The following RABGAP1L variants were observed in gnomAD, a reference collection of about 807,000 sequenced individuals.
RABGAP1L encodes the protein RAB GTPase activating protein 1 like.
In RABGAP1L, 63 loss-of-function variants were observed where a neutral mutation model predicts 137.7. That is an observed-to-expected ratio of 0.46 (90% confidence interval 0.37 to 0.56). The LOEUF (loss-of-function observed/expected upper bound fraction) is 0.56, where lower values mean the gene tolerates loss of function less well. Among genes scored for constraint, RABGAP1L ranks in the 20% least tolerant of loss-of-function variants. The probability of loss-of-function intolerance (pLI) is 0.00; values close to 1 mark genes in which losing one functional copy is unlikely to be tolerated. For synonymous variants in RABGAP1L, 431 were observed against 433.7 expected, an observed-to-expected ratio of 0.99 and a Z score of 0.08; for missense variants, 1,095 against 1,244.0, an observed-to-expected ratio of 0.88 and a Z score of 1.80.
At chr1:174,213,937 A>G (rs1291588949) in intron 1 of RABGAP1L, among the ~76,000 whole-genome samples, 2 of 152,248 alleles carry the variant, frequency 1.3e-5, no homozygotes, top group Admixed American at 1.3e-4. Flanking sequence ...TAACACAATA[A>G]GGATGCATAC....
intron 11 of RABGAP1L, among the ~76,000 whole-genome samples, chr1:174,314,489 G>GT (rs1460424566): frequency 6.6e-6 from 1 of 151,918 alleles, no homozygotes; most frequent in Non-Finnish European, 1.5e-5. Flanking sequence ...ATTTTTTAAA[G>GT]TTTCAATTTA....
intron 13 of RABGAP1L, among the ~76,000 whole-genome samples, chr1:174,519,517 C>T (rs1218109459): frequency 6.6e-6 from 1 of 152,076 alleles, no homozygotes. Flanking sequence ...CTTCCCCAGC[C>T]CACTGACTCC....
intron 1 of RABGAP1L, among the ~76,000 whole-genome samples, chr1:174,194,273 C>T (rs570847177): frequency 4.8e-4 from 70 of 145,974 alleles, no homozygotes; most frequent in African/African-American, 1.7e-3. Context: ...CTTGCCCTGT[C>T]GCCCAGGCTG....
intron 19 of RABGAP1L, among the ~76,000 whole-genome samples, chr1:174,949,377 G>T (rs764646201): frequency 1.5e-4 from 23 of 152,194 alleles, no homozygotes; most frequent in Non-Finnish European, 2.9e-4. Context: ...ATTATGCCTT[G>T]AATTGGGCAT....
intron 2 of RABGAP1L, among the ~76,000 whole-genome samples, chr1:174,220,040 AATTTT>A (rs1571610588): frequency 1.3e-5 from 2 of 152,176 alleles, no homozygotes; most frequent in African/African-American, 4.8e-5. Flanking sequence ...ATTGTTTTAT[AATTTT>A]ATTTAAATAA....
rs1010726675 is a variant in RABGAP1L, at chr1:174,522,430, A to G, written c.1711-114945A>G. Among the ~76,000 whole-genome samples the G allele has an allele frequency of 7.9e-5, 12 of 151,628 alleles. No homozygotes were observed. The South Asian group carries it at 1.3e-3, about 16-fold the overall frequency. ...CATCTCTACAAAAACTTAGCTGGGCATGGTGGCATGTGCCTGTAGTCCCAG... is the reference window on the plus strand; with the variant it reads ...CATCTCTACAAAAACTTAGCTGGGCGTGGTGGCATGTGCCTGTAGTCCCAG... On this transcript the variant is annotated intron_variant, in intron 13 of 25. Transcript: ENST00000681986.
intron 19 of RABGAP1L, among the ~76,000 whole-genome samples, chr1:174,902,151 G>A (rs1558211236): frequency 6.6e-6 from 1 of 152,230 alleles, no homozygotes. Context: ...TTGTCACCCA[G>A]TCAGGAGGAA....
At chr1:174,678,352 A>G (rs116777027) in intron 14 of RABGAP1L, among the ~76,000 whole-genome samples, 122 of 152,280 alleles carry the variant, frequency 8.0e-4, no homozygotes, top group African/African-American at 2.8e-3. Flanking sequence ...GAGAACACTG[A>G]CACACTTGTT....
intron 1 of RABGAP1L, among the ~76,000 whole-genome samples, chr1:174,170,346 A>C (rs766834750): frequency 5.9e-5 from 9 of 152,252 alleles, no homozygotes; most frequent in Non-Finnish European, 7.4e-5. Context: ...TCCAGTTTGC[A>C]GGTGAGGAAG....
At chr1:174,397,241 T>C (rs953985156) in intron 13 of RABGAP1L, among the ~76,000 whole-genome samples, 1 of 152,224 alleles carries the variant, frequency 6.6e-6, no homozygotes. Context: ...TTAGATTTCT[T>C]CCCTCTGGAG....
At chr1:174,627,549 C>T (rs1292814977) in intron 13 of RABGAP1L, among the ~76,000 whole-genome samples, 1 of 152,194 alleles carries the variant, frequency 6.6e-6, no homozygotes, top group Non-Finnish European at 1.5e-5. Context: ...AAGCAAGCTG[C>T]TTATATCTCA....
intron 14 of RABGAP1L, among the ~76,000 whole-genome samples, chr1:174,670,623 A>G (rs1677105201): frequency 6.6e-6 from 1 of 152,100 alleles, no homozygotes; most frequent in South Asian, 2.1e-4. Context: ...TGATTTTTAG[A>G]TATCACAAAT....
chr1:174,813,672 C>G (rs570477399), intron 19 of RABGAP1L, among the ~76,000 whole-genome samples: 1 of 152,272 alleles, frequency 6.6e-6, no homozygotes, highest in South Asian at 2.1e-4. Context: ...AGTTTTCATT[C>G]TGAAATGCAA....
At chr1:174,548,051 G>C in intron 13 of RABGAP1L, 1 of 1,550,422 alleles carries the variant, frequency 6.4e-7, no homozygotes, top group Non-Finnish European at 8.7e-7. Context: ...CTTAATGCCT[G>C]TTAAATGCGT....
At chr1:174,573,209 G>GAC (rs2148056657) in intron 13 of RABGAP1L, among the ~76,000 whole-genome samples, 1 of 146,526 alleles carries the variant, frequency 6.8e-6, no homozygotes, top group Admixed American at 6.8e-5. Context: ...ATATATGTGT[G>GAC]ACATATATAC....
Position 174,550,983 on chromosome 1 carries a change from C to CATATATATACATAT in RABGAP1L, c.1711-86383_1711-86382insCATATATATATATA, listed in dbSNP as rs1553330240. Among the ~76,000 whole-genome samples, 549 of 83,414 alleles carry CATATATATACATAT rather than the reference C, an allele frequency of 6.6e-3. 39 individuals are homozygous for CATATATATACATAT. The highest frequency in any genetic ancestry group is 0.045 in the African/African-American group (461 of 10,180). The allele number at this position is 83,414 out of a possible 152,430, so 54.7% of individuals were successfully genotyped here. A position where few individuals can be genotyped will look rare whatever the true frequency, so the allele number is the denominator to read the frequency against. On this transcript the variant is annotated intron_variant, in intron 13 of 25. Transcript: ENST00000681986. ...ACACATATATATACATGTATATATA[C>CATATATATACATAT]ATATATATATATACACATATATATA...
chr1:174,393,992 C>G lies in RABGAP1L; in HGVS notation c.1560-3C>G. 1 of 1,611,134 alleles carries G rather than the reference C, an allele frequency of 6.2e-7. No individual in the cohort carries two copies. Among genetic ancestry groups the G allele is most frequent in the Non-Finnish European group, 8.5e-7 (1 of 1,178,948 alleles). On this transcript the variant is annotated splice_region_variant and splice_polypyrimidine_tract_variant and intron_variant, in intron 12 of 25. Coordinates refer to ENST00000681986, the MANE Select transcript of RABGAP1L (RefSeq NM_001366446.1). ...TGAATGGATTATTTTCTTGTCTTCTCAGGCACAGTAACCTTGGTGCACGAC... is the reference window on the plus strand; with the variant it reads ...TGAATGGATTATTTTCTTGTCTTCTGAGGCACAGTAACCTTGGTGCACGAC...
chr1:174,549,832 C>T (rs1288404264), intron 13 of RABGAP1L, among the ~76,000 whole-genome samples: 1 of 152,176 alleles, frequency 6.6e-6, no homozygotes, highest in Non-Finnish European at 1.5e-5. Context: ...TTTATAATCC[C>T]TTCCTTCAGC....
chr1:174,586,693 G>A (rs1168720706), intron 13 of RABGAP1L, among the ~76,000 whole-genome samples: 3 of 152,120 alleles, frequency 2.0e-5, no homozygotes, highest in Admixed American at 6.6e-5. Context: ...CACCTCCCGA[G>A]TTCAAGCAAT....
Sources: gnomAD v4.1 joint callset for allele counts (sites outside exome capture counted in the v4.1 genomes callset) on GRCh38, gnomAD v4.1.1 for gene constraint, MANE v1.5 for transcripts, NCBI Gene and HGNC (gene_info 2026-07-23, HGNC 2026-07-21) for gene names.